The following ASB3 variants were observed in gnomAD, a reference collection of about 807,000 sequenced individuals.
ASB3 encodes ankyrin repeat and SOCS box protein 3.
A neutral mutation model predicts 54.5 loss-of-function variants in ASB3; 41 were observed. That is an observed-to-expected ratio of 0.75 (90% CI 0.59 to 0.98). The LOEUF (loss-of-function observed/expected upper bound fraction) is 0.98. Among genes scored for constraint, ASB3 ranks in the 50% least tolerant of loss-of-function variants. The pLI is 0.00. For synonymous variants in ASB3, 266 were observed against 221.2 expected (o/e 1.20, Z -1.80); for missense variants, 733 against 620.0 (o/e 1.18, Z -1.94).
intron 2 of ASB3, among the ~76,000 whole-genome samples, chr2:53,759,379 A>G (rs184787572): frequency 6.6e-6 from 1 of 152,362 alleles, no homozygotes; most frequent in East Asian, 1.9e-4. Flanking sequence ...TTGAGAAAGC[A>G]TACCTCTCTG....
chr2:53,694,779 T>C (rs1669098190), intron 8 of ASB3, among the ~76,000 whole-genome samples: 1 of 152,170 alleles, frequency 6.6e-6, no homozygotes, highest in African/African-American at 2.4e-5. Context: ...CGCTCCTGCT[T>C]TTTAAAATGA....
intron 7 of ASB3, among the ~76,000 whole-genome samples, chr2:53,708,317 T>C (rs1390982509): frequency 6.6e-6 from 1 of 152,218 alleles, no homozygotes. Context: ...CTGCCATGAT[T>C]ATGTTTCCTG....
At chr2:53,729,839 CAGCCT>C (rs1671202304) in intron 3 of ASB3, among the ~76,000 whole-genome samples, 1 of 152,142 alleles carries the variant, frequency 6.6e-6, no homozygotes, top group African/African-American at 2.4e-5. Flanking sequence ...AAAATGGAAA[CAGCCT>C]AGCTCTAGTT....
intron 5 of ASB3, among the ~76,000 whole-genome samples, chr2:53,720,947 T>C (rs1480090503): frequency 6.6e-6 from 1 of 151,806 alleles, no homozygotes; most frequent in Admixed American, 6.6e-5. Flanking sequence ...TGAAACCCCA[T>C]CTCTACTAAA....
At chr2:53,785,859 C>A (rs1342164852) in intron 1 of ASB3, among the ~76,000 whole-genome samples, 1 of 152,132 alleles carries the variant, frequency 6.6e-6, no homozygotes, top group Non-Finnish European at 1.5e-5. Flanking sequence ...ACAACAACAA[C>A]AAAAATCCCA....
intron 9 of ASB3, among the ~76,000 whole-genome samples, chr2:53,688,978 G>A (rs1396104563): frequency 1.3e-5 from 2 of 151,952 alleles, no homozygotes; most frequent in East Asian, 1.9e-4. Flanking sequence ...TATCCCTCTA[G>A]GACCATATAA....
intron 9 of ASB3, among the ~76,000 whole-genome samples, chr2:53,677,123 A>G (rs766694161): frequency 6.6e-6 from 1 of 152,150 alleles, no homozygotes; most frequent in African/African-American, 2.4e-5. Context: ...ATACTTACCA[A>G]TGTGTTACAA....
intron 3 of ASB3, among the ~76,000 whole-genome samples, chr2:53,746,016 T>C (rs1558555832): frequency 1.3e-5 from 2 of 152,168 alleles, no homozygotes; most frequent in Admixed American, 6.5e-5. Context: ...GATAAAAAGA[T>C]TGTCCAAGTG....
intron 3 of ASB3, among the ~76,000 whole-genome samples, chr2:53,749,076 T>C (rs1179870972): frequency 6.6e-6 from 1 of 151,922 alleles, no homozygotes; most frequent in Non-Finnish European, 1.5e-5. Context: ...GGGTGAAAAG[T>C]ATATAAGGAA....
At chr2:53,780,450 A>T (rs1482521142) in intron 1 of ASB3, among the ~76,000 whole-genome samples, 2 of 152,134 alleles carry the variant, frequency 1.3e-5, no homozygotes, top group Non-Finnish European at 2.9e-5. Context: ...CAAGCAAACA[A>T]ATCTATGTTA....
intron 9 of ASB3, among the ~76,000 whole-genome samples, chr2:53,681,059 C>T (rs1331481616): frequency 2.0e-5 from 3 of 152,140 alleles, no homozygotes; most frequent in African/African-American, 7.2e-5. Flanking sequence ...AAATGACAGG[C>T]TCTCATTCTT....
At chr2:53,770,933 A>G (rs913416703) in intron 1 of ASB3, among the ~76,000 whole-genome samples, 1 of 152,246 alleles carries the variant, frequency 6.6e-6, no homozygotes, top group African/African-American at 2.4e-5. Flanking sequence ...AGAACACTTC[A>G]TAACTCAGAA....
intron 2 of ASB3, among the ~76,000 whole-genome samples, chr2:53,756,200 T>A (rs1331914401): frequency 6.6e-6 from 1 of 151,938 alleles, no homozygotes; most frequent in East Asian, 1.9e-4. Flanking sequence ...AAAATAAAAA[T>A]AAGGTAAGTC....
chr2:53,740,315 T>C (rs1671865789), intron 3 of ASB3, among the ~76,000 whole-genome samples: 1 of 152,204 alleles, frequency 6.6e-6, no homozygotes, highest in African/African-American at 2.4e-5. Context: ...AAAGGAACAT[T>C]TGTAAGAACA....
chr2:53,724,174 A>G (rs1006146239), intron 5 of ASB3, among the ~76,000 whole-genome samples: 3 of 152,218 alleles, frequency 2.0e-5, no homozygotes, highest in African/African-American at 7.2e-5. Context: ...AGAATAGGAG[A>G]AAATATTTGC....
intron 1 of ASB3, among the ~76,000 whole-genome samples, chr2:53,783,266 G>GA (rs554933174): frequency 4.5e-4 from 69 of 152,102 alleles, no homozygotes; most frequent in East Asian, 1.5e-3. Flanking sequence ...AAACTGTGGG[G>GA]AAAAAACCAC....
intron 2 of ASB3, among the ~76,000 whole-genome samples, chr2:53,751,949 CTT>C (rs1187415447): frequency 6.6e-6 from 1 of 152,146 alleles, no homozygotes; most frequent in Admixed American, 6.5e-5. Context: ...GAAGTTGACT[CTT>C]ATTCAAAGTA....
In ASB3 at chr2:53,714,147, T is replaced by C. The variant is rs555139660; in HGVS notation, c.980+237A>G. 2.6e-5 allele frequency among the ~76,000 whole-genome samples: 4 copies of C among 152,206 alleles called. No homozygotes were observed. In the East Asian group the frequency reaches 5.8e-4, roughly 22 times the overall value. On this transcript the variant is annotated intron_variant, in intron 7 of 9. Coordinates refer to ENST00000263634, the MANE Select transcript of ASB3 (RefSeq NM_016115.5). ...CTTAAATTGTACGTATTCCCTAAGA[T>C]TGCTACACTAAAAATATAATCCAGA...
At chr2:53,748,011 A>T (rs1219503940) in intron 3 of ASB3, among the ~76,000 whole-genome samples, 1 of 152,238 alleles carries the variant, frequency 6.6e-6, no homozygotes, top group Non-Finnish European at 1.5e-5. Context: ...CAGCAAGATC[A>T]AGATTCAAAG....
Sources: allele counts gnomAD v4.1 joint callset (sites outside exome capture counted in the v4.1 genomes callset), GRCh38; gene constraint gnomAD v4.1.1; transcripts MANE v1.5; gene names NCBI Gene and HGNC (gene_info 2026-07-23, HGNC 2026-07-21).